NAV2: variants seen among roughly 807,000 people sequenced by gnomAD.
NAV2 encodes helicase, APC down-regulated 1.
In NAV2, 54 loss-of-function variants were observed where a neutral mutation model predicts 223.2. That is an observed-to-expected ratio of 0.24 (90% CI 0.19 to 0.30). NAV2 has a LOEUF of 0.30. NAV2 is among the 10% of genes least tolerant of loss of function. The pLI, the probability that NAV2 is intolerant of heterozygous loss-of-function variation, is 1.00. For synonymous variants in NAV2, 1,279 were observed against 1,239.3 expected (o/e 1.03, Z -0.67); for missense variants, 2,806 against 3,147.5 (o/e 0.89, Z 2.60).
chr11:19,946,885 A>G (rs1044891190), intron 9 of NAV2, among the ~76,000 whole-genome samples: 10 of 152,264 alleles, frequency 6.6e-5, no homozygotes, highest in African/African-American at 2.4e-4. Flanking sequence ...ATCTTCTGAT[A>G]TGCAGCACTC....
At chr11:19,730,586 C>T (rs563334825) in intron 1 of NAV2, among the ~76,000 whole-genome samples, 3 of 152,208 alleles carry the variant, frequency 2.0e-5, no homozygotes, top group South Asian at 2.1e-4. Context: ...TGACGTGCTC[C>T]GAAATGCCAG....
intron 6 of NAV2, among the ~76,000 whole-genome samples, chr11:19,930,987 G>A (rs931496234): frequency 5.3e-5 from 8 of 152,178 alleles, no homozygotes; most frequent in South Asian, 2.1e-4. Flanking sequence ...ATTCTTCATC[G>A]AAGGAGGTAG....
chr11:19,770,111 A>G (rs923321023), intron 1 of NAV2, among the ~76,000 whole-genome samples: 1 of 152,172 alleles, frequency 6.6e-6, no homozygotes, highest in African/African-American at 2.4e-5. Context: ...ACTCCTTTCT[A>G]AACTGTTTCT....
chr11:19,384,969 A>G (rs1364272791), intron 1 of NAV2: 2 of 152,224 alleles, frequency 1.3e-5, no homozygotes. Context: ...TCCAGAATAT[A>G]TAAAGATTTC....
intron 1 of NAV2, among the ~76,000 whole-genome samples, chr11:19,804,115 T>C (rs2058419653): frequency 6.6e-6 from 1 of 152,174 alleles, no homozygotes; most frequent in East Asian, 1.9e-4. Flanking sequence ...AGAGCAGGTG[T>C]GTGTGTATGT....
At chr11:19,654,152 G>A (rs1312587588) in intron 1 of NAV2, among the ~76,000 whole-genome samples, 3 of 152,160 alleles carry the variant, frequency 2.0e-5, no homozygotes, top group Non-Finnish European at 2.9e-5. Context: ...TTGCTTCAAA[G>A]AGAATAAAAT....
chr11:19,979,571 C>T (rs762055075), intron 10 of NAV2, among the ~76,000 whole-genome samples: 1 of 152,220 alleles, frequency 6.6e-6, no homozygotes, highest in Non-Finnish European at 1.5e-5. Context: ...AACAGCACTC[C>T]TCTGCGACGC....
At chr11:19,777,340 C>G (rs1012472968) in intron 1 of NAV2, 14 of 269,484 alleles carry the variant, frequency 5.2e-5, no homozygotes, top group Non-Finnish European at 9.3e-5. Context: ...CTGGAGGGGC[C>G]GCGGCCGAGA....
chr11:19,725,377 T>G (rs181302747), intron 1 of NAV2, among the ~76,000 whole-genome samples: 1 of 152,292 alleles, frequency 6.6e-6, no homozygotes, highest in East Asian at 1.9e-4. Context: ...GAGAGACACA[T>G]GCAACTGAGG....
intron 1 of NAV2, among the ~76,000 whole-genome samples, chr11:19,622,580 C>G (rs943735260): frequency 2.6e-5 from 4 of 152,190 alleles, no homozygotes; most frequent in Non-Finnish European, 4.4e-5. Context: ...GATTGCAACC[C>G]CTGCTTTTTT....
intron 6 of NAV2, among the ~76,000 whole-genome samples, chr11:19,923,453 C>G (rs1365488767): frequency 6.6e-6 from 1 of 152,072 alleles, no homozygotes; most frequent in African/African-American, 2.4e-5. Context: ...ACCATAGAAT[C>G]TCTTCTTTCT....
chr11:19,658,339 A>G (rs906619425), intron 1 of NAV2, among the ~76,000 whole-genome samples: 4 of 152,142 alleles, frequency 2.6e-5, no homozygotes, highest in African/African-American at 9.7e-5. Context: ...AACTCATTCA[A>G]TCATCACAAC....
intron 20 of NAV2, among the ~76,000 whole-genome samples, chr11:20,066,559 G>A (rs1591950382): frequency 6.6e-6 from 1 of 152,122 alleles, no homozygotes; most frequent in South Asian, 2.1e-4. Context: ...CTAGAGGAGG[G>A]GACTTGTGGG....
At chr11:19,475,812 C>T (rs1469948056) in intron 1 of NAV2, among the ~76,000 whole-genome samples, 1 of 152,200 alleles carries the variant, frequency 6.6e-6, no homozygotes, top group Non-Finnish European at 1.5e-5. Flanking sequence ...ATCGGTCTGT[C>T]CTGCCTTTCT....
At chr11:20,097,014 C>CTCCT in intron 30 of NAV2, among the ~76,000 whole-genome samples, 1 of 152,224 alleles carries the variant, frequency 6.6e-6, no homozygotes, top group Admixed American at 6.5e-5. Flanking sequence ...CCTCCTAGTA[C>CTCCT]ATGGACCTTA....
chr11:19,868,813 T>G, intron 3 of NAV2, 112 bp from the exon 4 acceptor site: 1 of 962,856 alleles, frequency 1.0e-6, no homozygotes, highest in Non-Finnish European at 1.6e-6. Context: ...TATCTTGGCG[T>G]TCGTTCATCG....
At chr11:19,729,647 G>A (rs559201032) in intron 1 of NAV2, among the ~76,000 whole-genome samples, 2 of 152,148 alleles carry the variant, frequency 1.3e-5, no homozygotes, top group Admixed American at 6.5e-5. Flanking sequence ...TGATGCTCAG[G>A]GCACCAGAGT....
intron 1 of NAV2, among the ~76,000 whole-genome samples, chr11:19,501,063 C>G (rs527575053): frequency 6.6e-6 from 1 of 152,180 alleles, no homozygotes; most frequent in South Asian, 2.1e-4. Context: ...TGCCCACATT[C>G]CTTTGTTCAT....
intron 1 of NAV2, among the ~76,000 whole-genome samples, chr11:19,827,317 C>T (rs1377553946): frequency 6.6e-6 from 1 of 152,178 alleles, no homozygotes; most frequent in African/African-American, 2.4e-5. Context: ...TCGGTCACAA[C>T]TGCTCGGCTT....
Sources: gnomAD v4.1 joint callset for allele counts (sites outside exome capture counted in the v4.1 genomes callset) on GRCh38, gnomAD v4.1.1 for gene constraint, MANE v1.5 for transcripts, NCBI Gene and HGNC (gene_info 2026-07-23, HGNC 2026-07-21) for gene names.